Variants in ZNF556 observed in about 807,000 individuals in gnomAD.
ZNF556 encodes the protein zinc finger protein 556.
A neutral mutation model predicts 13.6 loss-of-function variants in ZNF556; 11 were observed. That is an observed-to-expected ratio of 0.81 (90% CI 0.51 to 1.33). The LOEUF is 1.33. Ranked by LOEUF, ZNF556 falls within the 40% of genes most tolerant of loss-of-function variation. ZNF556 has a pLI of 0.00. For missense variants in ZNF556, 633 were observed against 566.2 expected (o/e 1.12, Z -1.20); for synonymous variants, 229 against 207.8 (o/e 1.10, Z -0.88).
chr19:2,880,076 T>C lies in ZNF556; in HGVS notation c.*1747T>C, dbSNP rs1047018681. On this transcript the variant is annotated 3_prime_UTR_variant, in exon 4 of 4. Transcript: ENST00000307635. ...AATTTTTTAAAAAAGCACAGGGGATTGTTTCCCTACTGCATCTACTGTGAC... is the reference window on the plus strand; with the variant it reads ...AATTTTTTAAAAAAGCACAGGGGATCGTTTCCCTACTGCATCTACTGTGAC... The C allele has an allele frequency of 9.2e-5, 14 of 152,248 alleles. No homozygotes were observed. Among genetic ancestry groups the C allele is most frequent in the Admixed American group, 3.9e-4 (6 of 15,266 alleles). The allele number at this position is 152,248 out of a possible 1,614,324, so 9.4% of individuals were successfully genotyped here.
rs1441523569 is a variant in ZNF556, at chr19:2,882,565, T to TGTGTGTGAGA, written c.*4237_*4238insTGTGTGAGAG. Reference sequence around the variant, plus strand: ...GTGTGTGTGTGTGTGTGTGTGTGTGTGAATGTGTGTGACGGAGTTTTGCTC... The same window carrying TGTGTGTGAGA: ...GTGTGTGTGTGTGTGTGTGTGTGTGTGTGTGTGAGAGAATGTGTGTGACGGAGTTTTGCTC... On this transcript the variant is annotated 3_prime_UTR_variant, in exon 4 of 4. Coordinates refer to ENST00000307635, the MANE Select transcript of ZNF556 (RefSeq NM_024967.3). 67 of 151,024 alleles carry TGTGTGTGAGA rather than the reference T, an allele frequency of 4.4e-4. No individual in the cohort carries two copies. The highest frequency in any genetic ancestry group is 1.7e-3 in the African/African-American group (67 of 40,576). 9.4% of individuals were successfully genotyped at this position (151,024 alleles called of 1,614,324 possible). A position where few individuals can be genotyped will look rare whatever the true frequency, so the allele number is the denominator to read the frequency against.
At chr19:2,874,368 T>G (rs1599580380) in intron 2 of ZNF556, among the ~76,000 whole-genome samples, 1 of 152,180 alleles carries the variant, frequency 6.6e-6, no homozygotes, top group Non-Finnish European at 1.5e-5. Context: ...ATCATTGATG[T>G]CCTGGACCTA....
rs2087884208 is a variant in ZNF556 at position 2,878,929 on chromosome 19, T to G, written c.*600T>G. ...AGAAGTGTATTGCACCCATGGGTGATCTGATGTATTTTAATATGCATTAAC... is the reference window on the plus strand; with the variant it reads ...AGAAGTGTATTGCACCCATGGGTGAGCTGATGTATTTTAATATGCATTAAC... On this transcript the variant is annotated 3_prime_UTR_variant, in exon 4 of 4. Coordinates refer to ENST00000307635, the MANE Select transcript of ZNF556 (RefSeq NM_024967.3). The G allele has an allele frequency of 6.6e-6, 1 of 152,208 alleles. No homozygotes were observed. Among genetic ancestry groups the G allele is most frequent in the South Asian group, 2.1e-4 (1 of 4,834 alleles). 9.4% of individuals were successfully genotyped at this position (152,208 alleles called of 1,614,324 possible). A position where few individuals can be genotyped will look rare whatever the true frequency, so the allele number is the denominator to read the frequency against.
In ZNF556 at chr19:2,876,423, C is replaced by G. The variant is rs2087852749; in HGVS notation, c.314+147C>G. The stretch of plus-strand genomic sequence containing the variant: ...TGACCCATATGGTGAAACCTTGTCT[C>G]TACTAAAAATACAAAAATGGGCGCG... On this transcript the variant is annotated intron_variant, in intron 3 of 3. Transcript: ENST00000307635. 6.5e-6 allele frequency: 5 copies of G among 766,588 alleles called. No individual in the cohort carries two copies. In the South Asian group the frequency reaches 1.1e-4, roughly 17 times the overall value. The allele number at this position is 766,588 out of a possible 1,614,324, so 47.5% of individuals were successfully genotyped here.
At position 2,867,352 on chromosome 19, in the gene ZNF556, C is replaced by T; in HGVS notation, c.-70C>T. The T allele has an allele frequency of 6.4e-7, 1 of 1,555,566 alleles. No homozygotes were observed. The highest frequency in any genetic ancestry group is 8.7e-7 in the Non-Finnish European group (1 of 1,148,170). The stretch of plus-strand genomic sequence containing the variant: ...CCTGCCCTGAGTGACCACAGGTGTC[C>T]CCGTCGTGCTCACCTGCACCGGCTG... On this transcript the variant is annotated 5_prime_UTR_variant, in exon 1 of 4. Transcript: ENST00000307635.
In ZNF556 at chr19:2,881,913, G is replaced by C. The variant is rs1184928847; in HGVS notation, c.*3584G>C. On this transcript the variant is annotated 3_prime_UTR_variant, in exon 4 of 4. Transcript: ENST00000307635. Reference sequence around the variant, plus strand: ...ACTTGAGCACAGGAGTTCAAGGCCAGTCTGGGCACATAGTGAGACACAGTC... The same window carrying C: ...ACTTGAGCACAGGAGTTCAAGGCCACTCTGGGCACATAGTGAGACACAGTC... 6.6e-6 allele frequency: 1 copy of C among 151,484 alleles called. No homozygotes were observed. Among genetic ancestry groups the C allele is most frequent in the Non-Finnish European group, 1.5e-5 (1 of 67,848 alleles). 9.4% of individuals were successfully genotyped at this position (151,484 alleles called of 1,614,324 possible). A position where few individuals can be genotyped will look rare whatever the true frequency, so the allele number is the denominator to read the frequency against.
intron 3 of ZNF556, among the ~76,000 whole-genome samples, chr19:2,876,575 C>T (rs927597795): frequency 6.6e-5 from 10 of 151,956 alleles, no homozygotes; most frequent in Admixed American, 4.6e-4. Flanking sequence ...CAAAAATAGG[C>T]GTGGTGGCAT....
chr19:2,883,317 G>A lies in ZNF556; in HGVS notation c.*4988G>A, dbSNP rs150144936. On this transcript the variant is annotated 3_prime_UTR_variant, in exon 4 of 4. Coordinates refer to ENST00000307635, the MANE Select transcript of ZNF556 (RefSeq NM_024967.3). Reference sequence around the variant, plus strand: ...TAATTTTTAAGTGTAAACCTTTAATGATCCACAAAGCCCAAAATGTCCATT... The same window carrying A: ...TAATTTTTAAGTGTAAACCTTTAATAATCCACAAAGCCCAAAATGTCCATT... 2.0e-5 allele frequency: 3 copies of A among 152,056 alleles called. No individual in the cohort carries two copies. The highest frequency in any genetic ancestry group is 4.4e-5 in the Non-Finnish European group (3 of 68,020). The allele number at this position is 152,056 out of a possible 1,614,324, so 9.4% of individuals were successfully genotyped here.
rs749342908 is a variant in ZNF556, at chr19:2,877,717, C to T, written c.759C>T (p.His253=). Residue 253 remains histidine, a synonymous_variant, in exon 4 of 4, where the codon CAC becomes CAT. Coordinates refer to ENST00000307635, the MANE Select transcript of ZNF556 (RefSeq NM_024967.3). ...CCTTTCGCGCACATGTGATGATGCA[C>T]GCCGGAGGGAGACCGTATGAGTGCA... ...PKSFRAHVMM[H]AGGRPYECKH... 68 of 1,613,590 alleles carry T rather than the reference C, an allele frequency of 4.2e-5. No individual in the cohort carries two copies. Among genetic ancestry groups the T allele is most frequent in the South Asian group, 1.9e-4 (17 of 91,060 alleles).
In ZNF556 at chr19:2,877,951, C is replaced by T. The variant is rs1388453801; in HGVS notation, c.993C>T (p.His331=). ...CATTCGGTTGGCCCTCATCCTTACA[C>T]AAACACGCGAGAACGCATGCTAAAA... ...GKAFGWPSSL[H]KHARTHAKKK... is the part of the protein sequence containing the mutation. Residue 331 remains histidine, a synonymous_variant, in exon 4 of 4, where the codon CAC becomes CAT. Transcript: ENST00000307635. 1 of 1,614,188 alleles carries T rather than the reference C, an allele frequency of 6.2e-7. No individual in the cohort carries two copies. Among genetic ancestry groups the T allele is most frequent in the South Asian group, 1.1e-5 (1 of 91,088 alleles).
intron 2 of ZNF556, 37 bp downstream of exon 2, chr19:2,873,659 T>C (rs368430331): frequency 1.4e-5 from 23 of 1,597,130 alleles, no homozygotes; most frequent in Non-Finnish European, 1.9e-5. Context: ...AGTTATTAGA[T>C]AATAAATGTT....
At position 2,882,531 on chromosome 19, in the gene ZNF556, A is replaced by ATAGTGTGTGTGTGTGTGTGTGTGTGTGT. The variant is rs57053138; in HGVS notation, c.*4202_*4203insTAGTGTGTGTGTGTGTGTGTGTGTGTGT. ...ATACATTTTATATATATATATATAT[A>ATAGTGTGTGTGTGTGTGTGTGTGTGTGT]GTGTGTGTGTGTGTGTGTGTGTGTG... On this transcript the variant is annotated 3_prime_UTR_variant, in exon 4 of 4. Coordinates refer to ENST00000307635, the MANE Select transcript of ZNF556 (RefSeq NM_024967.3). 7.8e-6 allele frequency: 1 copy of ATAGTGTGTGTGTGTGTGTGTGTGTGTGT among 127,722 alleles called. No individual in the cohort carries two copies. Among genetic ancestry groups the ATAGTGTGTGTGTGTGTGTGTGTGTGTGT allele is most frequent in the Non-Finnish European group, 1.6e-5 (1 of 62,732 alleles). The allele number at this position is 127,722 out of a possible 1,614,324, so 7.9% of individuals were successfully genotyped here. A position where few individuals can be genotyped will look rare whatever the true frequency, so the allele number is the denominator to read the frequency against.
chr19:2,876,325 CATGCCTGTA>C (rs1568354111), intron 3 of ZNF556, 49 bp downstream of exon 3: 2 of 1,520,302 alleles, frequency 1.3e-6, no homozygotes, highest in South Asian at 2.6e-5. Flanking sequence ...CACGGTGGCT[CATGCCTGTA>C]ATCCCAGCAC....
At chr19:2,870,303 T>G (rs528681785) in intron 1 of ZNF556, among the ~76,000 whole-genome samples, 7 of 151,082 alleles carry the variant, frequency 4.6e-5, no homozygotes, top group African/African-American at 1.7e-4. Flanking sequence ...ATAATAATAA[T>G]AAAAATTAGC....
chr19:2,867,730 A>C lies in ZNF556; in HGVS notation c.3+306A>C, dbSNP rs868517727. 9.0e-3 allele frequency among the ~76,000 whole-genome samples: 1,356 copies of C among 150,064 alleles called. 36 individuals carry two copies. Among genetic ancestry groups the C allele is most frequent in the African/African-American group, 0.031 (1,295 of 41,270 alleles). On this transcript the variant is annotated intron_variant, in intron 1 of 3. Coordinates refer to ENST00000307635, the MANE Select transcript of ZNF556 (RefSeq NM_024967.3). ...CAAAGTACAAAAAACAAAACAAAAA[A>C]AAAAAAAACCTCACCCCAGCGAGGC...
At chr19:2,873,676 G>A in intron 2 of ZNF556, 54 bp downstream of exon 2, 1 of 1,577,790 alleles carries the variant, frequency 6.3e-7, no homozygotes, top group Non-Finnish European at 8.7e-7. Flanking sequence ...TGTTTTGTCT[G>A]GTTGCAGTGG....
intron 1 of ZNF556, among the ~76,000 whole-genome samples, chr19:2,869,532 A>G (rs1159421018): frequency 6.6e-6 from 1 of 151,824 alleles, no homozygotes; most frequent in Admixed American, 6.6e-5. Context: ...ACGCCTGGCT[A>G]ATTTTTTTGT....
At chr19:2,869,296 C>A (rs1295998457) in intron 1 of ZNF556, among the ~76,000 whole-genome samples, 1 of 152,152 alleles carries the variant, frequency 6.6e-6, no homozygotes, top group African/African-American at 2.4e-5. Context: ...AATAATTAGT[C>A]TTCCTTGATT....
intron 1 of ZNF556, among the ~76,000 whole-genome samples, chr19:2,871,032 C>G (rs2087798767): frequency 7.1e-6 from 1 of 141,458 alleles, no homozygotes; most frequent in Non-Finnish European, 1.5e-5. Flanking sequence ...GAGCGAGACT[C>G]TATCTCAAAA....
Sources: gnomAD v4.1 joint callset for allele counts (sites outside exome capture counted in the v4.1 genomes callset) on GRCh38, gnomAD v4.1.1 for gene constraint, MANE v1.5 for transcripts, NCBI Gene and HGNC (gene_info 2026-07-23, HGNC 2026-07-21) for gene names.